CNOT10: variants seen among roughly 807,000 people sequenced by gnomAD.
The protein encoded by CNOT10 is CCR4-NOT transcription complex subunit 10, also known as CCR4-NOT transcription complex, subunit 10.
CNOT10 carries 30 observed loss-of-function variants against 94.6 expected under a neutral mutation model. That is an observed-to-expected ratio of 0.32 (90% confidence interval 0.24 to 0.43). CNOT10 has a LOEUF of 0.43. Ranked by LOEUF, CNOT10 falls within the 20% of genes least tolerant of loss-of-function variation. The pLI, the probability that CNOT10 is intolerant of heterozygous loss-of-function variation, is 1.00. For synonymous variants in CNOT10, 289 were observed against 301.6 expected (o/e 0.96, Z 0.43); for missense variants, 759 against 877.2 (o/e 0.87, Z 1.70).
At chr3:32,686,543 G>A (rs1696608858) in intron 1 of CNOT10, among the ~76,000 whole-genome samples, 1 of 152,150 alleles carries the variant, frequency 6.6e-6, no homozygotes, top group Admixed American at 6.5e-5. Flanking sequence ...TATAAGGAAT[G>A]TGCTGTGAAA....
At chr3:32,743,573 G>T (rs1297933501) in intron 13 of CNOT10, among the ~76,000 whole-genome samples, 2 of 152,126 alleles carry the variant, frequency 1.3e-5, no homozygotes, top group Non-Finnish European at 2.9e-5. Flanking sequence ...GGCAGAGGTT[G>T]CAGTGAGCCG....
intron 13 of CNOT10, among the ~76,000 whole-genome samples, chr3:32,754,489 A>AAAAATAT (rs77878221): frequency 3.6e-4 from 25 of 70,216 alleles, no homozygotes; most frequent in East Asian, 1.2e-3. Context: ...AAAAAAAAAA[A>AAAAATAT]ATACATATAT....
At chr3:32,724,711 C>CCAAT (rs1019774726) in intron 8 of CNOT10, among the ~76,000 whole-genome samples, 2 of 152,094 alleles carry the variant, frequency 1.3e-5, no homozygotes, top group African/African-American at 4.8e-5. Context: ...TGCGCCCAGC[C>CCAAT]CAATGCCTGG....
chr3:32,708,950 G>T, intron 4 of CNOT10, 130 bp downstream of exon 4: 2 of 657,474 alleles, frequency 3.0e-6, no homozygotes, highest in Non-Finnish European at 4.8e-6. Flanking sequence ...TATCAGCTTT[G>T]CTTAATGGTT....
At chr3:32,708,196 C>T (rs886547593) in intron 3 of CNOT10, among the ~76,000 whole-genome samples, 4 of 152,124 alleles carry the variant, frequency 2.6e-5, no homozygotes, top group Non-Finnish European at 5.9e-5. Flanking sequence ...CCACGCCCGG[C>T]CAGCTATTAT....
intron 13 of CNOT10, among the ~76,000 whole-genome samples, chr3:32,743,637 T>TAC (rs1393280177): frequency 2.0e-5 from 3 of 152,000 alleles, no homozygotes; most frequent in Non-Finnish European, 4.4e-5. Flanking sequence ...CTGTCTCACA[T>TAC]ACACACACGC....
At chr3:32,708,907 G>T (rs765981554) in intron 4 of CNOT10, 87 bp downstream of exon 4, 1 of 1,079,484 alleles carries the variant, frequency 9.3e-7, no homozygotes, top group South Asian at 1.7e-5. Flanking sequence ...ACCTAAATCC[G>T]AGAAGTCCAT....
At chr3:32,710,787 C>T (rs1697849802) in intron 4 of CNOT10, among the ~76,000 whole-genome samples, 1 of 152,100 alleles carries the variant, frequency 6.6e-6, no homozygotes, top group African/African-American at 2.4e-5. Flanking sequence ...GTGGCGTGAA[C>T]TCCACTCACT....
At chr3:32,744,830 G>A (rs1342686610) in intron 13 of CNOT10, among the ~76,000 whole-genome samples, 1 of 152,062 alleles carries the variant, frequency 6.6e-6, no homozygotes, top group Non-Finnish European at 1.5e-5. Flanking sequence ...TGTAGTAATT[G>A]CAGATAACCT....
chr3:32,753,804 G>A, intron 13 of CNOT10: 2 of 1,591,820 alleles, frequency 1.3e-6, no homozygotes, highest in Non-Finnish European at 1.7e-6. Context: ...GATCCTTTAT[G>A]GGAGTCTGAT....
At chr3:32,765,028 A>G in intron 17 of CNOT10, 2 of 1,452,198 alleles carry the variant, frequency 1.4e-6, no homozygotes, top group Non-Finnish European at 1.8e-6. Context: ...ATTTTATTTT[A>G]AAAAAAATTT....
In CNOT10 at chr3:32,771,585, G is replaced by A. The variant is rs1315658836; in HGVS notation, c.2080+1623G>A. Among the ~76,000 whole-genome samples, 3 of 152,034 alleles carry A rather than the reference G, an allele frequency of 2.0e-5. No individual in the cohort carries two copies. In the East Asian group the frequency reaches 5.8e-4, roughly 29 times the overall value. Reference sequence around the variant, plus strand: ...ACTGCACTCCAATCTGGGCGACAGAGTGAAACCCTGTCTCAAATAATAATA... The same window carrying A: ...ACTGCACTCCAATCTGGGCGACAGAATGAAACCCTGTCTCAAATAATAATA... On this transcript the variant is annotated intron_variant, in intron 18 of 18. Coordinates refer to ENST00000328834, the MANE Select transcript of CNOT10 (RefSeq NM_015442.3).
At chr3:32,703,542 C>A (rs2125514597) in intron 1 of CNOT10, among the ~76,000 whole-genome samples, 1 of 152,266 alleles carries the variant, frequency 6.6e-6, no homozygotes, top group East Asian at 1.9e-4. Context: ...ACTCACCTTT[C>A]TTCCTGTGAC....
intron 13 of CNOT10, among the ~76,000 whole-genome samples, chr3:32,750,470 C>T (rs1699915763): frequency 2.0e-5 from 3 of 152,020 alleles, no homozygotes; most frequent in Admixed American, 6.6e-5. Flanking sequence ...CCACCCTGAG[C>T]GACAGAGCAA....
Position 32,773,605 on chromosome 3 carries a change from A to G in CNOT10, c.2229A>G (p.Arg743=). 6.2e-7 allele frequency: 1 copy of G among 1,606,748 alleles called. No homozygotes were observed. Among genetic ancestry groups the G allele is most frequent in the Non-Finnish European group, 8.5e-7 (1 of 1,177,608 alleles). Residue 743 remains arginine (R), a synonymous_variant, in exon 19 of 19, where the codon AGA becomes AGG. Transcript: ENST00000328834. ...TGCCGGCTTTCACCACTGTGCAGAG[A>G]AAGTGATACTTCACTTTTGGAAAAC... ...IQMPAFTTVQ[R]K
intron 13 of CNOT10, among the ~76,000 whole-genome samples, chr3:32,738,829 A>T (rs1321326149): frequency 6.6e-6 from 1 of 151,364 alleles, no homozygotes; most frequent in Non-Finnish European, 1.5e-5. Flanking sequence ...TGTCAAATTT[A>T]TTGGCATAAC....
At chr3:32,759,706 G>GT (rs1394107586) in intron 14 of CNOT10, 135 bp downstream of exon 14, 1 of 694,068 alleles carries the variant, frequency 1.4e-6, no homozygotes, top group African/African-American at 1.8e-5. Context: ...TTAAAAGAAC[G>GT]TTTTTTAACC....
At chr3:32,749,746 A>G (rs1261527864) in intron 13 of CNOT10, among the ~76,000 whole-genome samples, 2 of 152,124 alleles carry the variant, frequency 1.3e-5, no homozygotes, top group Non-Finnish European at 2.9e-5. Flanking sequence ...AGGAAAGATA[A>G]GGCTCAACTT....
At chr3:32,742,595 C>G (rs565716581) in intron 13 of CNOT10, among the ~76,000 whole-genome samples, 2 of 151,990 alleles carry the variant, frequency 1.3e-5, no homozygotes, top group Admixed American at 1.3e-4. Context: ...TTGGTCAGGC[C>G]GGTCTCAAAC....
Sources: gnomAD v4.1 joint callset for allele counts (sites outside exome capture counted in the v4.1 genomes callset) on GRCh38, gnomAD v4.1.1 for gene constraint, MANE v1.5 for transcripts, NCBI Gene and HGNC (gene_info 2026-07-23, HGNC 2026-07-21) for gene names.